Variants in NCAPG2 observed in about 807,000 individuals in gnomAD.
The protein encoded by NCAPG2 is non-SMC condensin II complex subunit G2.
In NCAPG2, 53 loss-of-function variants were observed where a neutral mutation model predicts 141.1. The ratio of observed to expected loss-of-function variants is 0.38; its 90% confidence interval spans 0.30 to 0.47. The LOEUF (loss-of-function observed/expected upper bound fraction) is 0.47, where lower values mean the gene tolerates loss of function less well. NCAPG2 is among the 20% of genes least tolerant of loss of function. The pLI, the probability that NCAPG2 is intolerant of heterozygous loss-of-function variation, is 0.99. For missense variants in NCAPG2, 1,087 were observed against 1,389.0 expected (o/e 0.78, Z 3.46); for synonymous variants, 499 against 490.7 (o/e 1.02, Z -0.22).
At chr7:158,688,392 C>T (rs1346594249) in intron 6 of NCAPG2, among the ~76,000 whole-genome samples, 1 of 152,174 alleles carries the variant, frequency 6.6e-6, no homozygotes, top group Admixed American at 6.5e-5. Flanking sequence ...TATATCTGCA[C>T]ACATATATAA....
chr7:158,658,319 CA>C lies in NCAPG2; in HGVS notation c.2060+18del. The C allele has an allele frequency of 6.3e-7, 1 of 1,596,532 alleles. No individual in the cohort carries two copies. The stretch of plus-strand genomic sequence containing the variant: ...CAGGATTCCTACTTTTCTACCGTAC[CA>C]AAAAACAGAGCAAATACCTGAATGG... On this transcript the variant is annotated intron_variant, in intron 17 of 27. Transcript: ENST00000356309.
At chr7:158,642,486 C>T (rs1366361934) in intron 27 of NCAPG2, among the ~76,000 whole-genome samples, 2 of 151,900 alleles carry the variant, frequency 1.3e-5, no homozygotes, top group East Asian at 3.9e-4. Flanking sequence ...TGTGATCGTG[C>T]CACTACACTC....
intron 27 of NCAPG2, among the ~76,000 whole-genome samples, chr7:158,644,025 T>C (rs4909247): frequency 0.75 from 113,770 of 152,258 alleles, 42,791 homozygotes; most frequent in East Asian, 0.97. Flanking sequence ...ATTTTAAAAC[T>C]AAATAAAATA....
intron 24 of NCAPG2, among the ~76,000 whole-genome samples, chr7:158,649,555 C>T (rs1002912688): frequency 8.5e-5 from 13 of 152,172 alleles, no homozygotes; most frequent in African/African-American, 2.6e-4. Context: ...CATAGCTCAC[C>T]GGAATAAACA....
intron 13 of NCAPG2, chr7:158,668,425 A>C (rs1833437803): frequency 1.0e-6 from 1 of 984,362 alleles, no homozygotes; most frequent in Admixed American, 6.2e-5. Context: ...TGTTTTACTG[A>C]AGAGTTATTC....
chr7:158,652,083 G>A (rs1831532764), intron 23 of NCAPG2, among the ~76,000 whole-genome samples: 1 of 152,076 alleles, frequency 6.6e-6, no homozygotes, highest in African/African-American at 2.4e-5. Flanking sequence ...CCATGCACAG[G>A]GGTCACCATC....
Position 158,685,148 on chromosome 7 carries a change from C to G in NCAPG2, c.837+1024G>C, listed in dbSNP as rs145661990. On this transcript the variant is annotated intron_variant, in intron 8 of 27. Transcript: ENST00000356309. ...TAAGAAAAATATAAGGGAAAACAAA[C>G]ACACTTTTTTGTCCAAAAGGGTATC... Among the ~76,000 whole-genome samples, 24 of 152,264 alleles carry G rather than the reference C, an allele frequency of 1.6e-4. 1 individual carries two copies. Among genetic ancestry groups the G allele is most frequent in the African/African-American group, 5.3e-4 (22 of 41,558 alleles).
intron 8 of NCAPG2, among the ~76,000 whole-genome samples, chr7:158,684,238 G>A (rs1174117720): frequency 6.6e-6 from 1 of 152,222 alleles, no homozygotes; most frequent in Non-Finnish European, 1.5e-5. Flanking sequence ...GAAGTTATTT[G>A]TACCATAAAA....
At chr7:158,644,553 G>A (rs968471640) in intron 26 of NCAPG2, among the ~76,000 whole-genome samples, 165 bp from the exon 27 acceptor site, 5 of 152,126 alleles carry the variant, frequency 3.3e-5, no homozygotes, top group African/African-American at 1.2e-4. Flanking sequence ...CCTTCTTTAG[G>A]GATGTTGTAA....
intron 1 of NCAPG2, among the ~76,000 whole-genome samples, chr7:158,704,407 C>G (rs1191810146): frequency 6.6e-6 from 1 of 151,656 alleles, no homozygotes; most frequent in Non-Finnish European, 1.5e-5. Flanking sequence ...ACTGAGGGGA[C>G]ACTCTCTGAG....
intron 13 of NCAPG2, among the ~76,000 whole-genome samples, chr7:158,666,735 T>C (rs940327891): frequency 6.6e-6 from 1 of 151,598 alleles, no homozygotes; most frequent in Non-Finnish European, 1.5e-5. Flanking sequence ...GACGCCACCC[T>C]GGGCAACACA....
chr7:158,695,093 A>G (rs1441943691), intron 2 of NCAPG2, among the ~76,000 whole-genome samples: 4 of 152,218 alleles, frequency 2.6e-5, no homozygotes, highest in African/African-American at 4.8e-5. Context: ...ATTTTCCAGT[A>G]TATCAATGGA....
chr7:158,697,169 T>TG (rs2129469495), intron 2 of NCAPG2, among the ~76,000 whole-genome samples: 1 of 152,372 alleles, frequency 6.6e-6, no homozygotes, highest in South Asian at 2.1e-4. Flanking sequence ...GACAGCTGCA[T>TG]GTCTGTTATT....
At chr7:158,671,446 T>C in intron 13 of NCAPG2, 68 bp downstream of exon 13, 1 of 1,575,612 alleles carries the variant, frequency 6.3e-7, no homozygotes, top group Non-Finnish European at 8.7e-7. Flanking sequence ...TTAAAACTAC[T>C]TTCTTTCTGT....
At chr7:158,667,278 C>G in intron 13 of NCAPG2, 2 of 951,314 alleles carry the variant, frequency 2.1e-6, no homozygotes, top group Non-Finnish European at 2.5e-6. Flanking sequence ...CTCCGCCTCC[C>G]TCAGAGACCC....
intron 25 of NCAPG2, among the ~76,000 whole-genome samples, chr7:158,646,197 C>A (rs944350436): frequency 6.6e-6 from 1 of 152,170 alleles, no homozygotes; most frequent in Non-Finnish European, 1.5e-5. Flanking sequence ...TCTCCCTTAA[C>A]TGAATTTAAG....
At chr7:158,696,596 C>T (rs1432662725) in intron 2 of NCAPG2, 2 of 152,222 alleles carry the variant, frequency 1.3e-5, no homozygotes, top group Non-Finnish European at 2.9e-5. Flanking sequence ...GAAAATGTGG[C>T]AAGTGGTAAA....
In NCAPG2 at chr7:158,656,266, C is replaced by A. The variant is rs748900120; in HGVS notation, c.2382G>T (p.Thr794=). The A allele has an allele frequency of 3.1e-6, 5 of 1,613,830 alleles. No homozygotes were observed. Among genetic ancestry groups the A allele is most frequent in the Non-Finnish European group, 4.2e-6 (5 of 1,179,854 alleles). ...KLNHLLKALE[T]SKADLESLLQ... ...TCTCAGGGCACAGAGTTACCTTTGA[C>A]GTTTCAAGGGCTTTCAAAAGATGGT... The change falls in exon 19 of 28, where the codon ACG becomes ACT. Residue 794 remains threonine, a synonymous_variant. Coordinates refer to ENST00000356309, the MANE Select transcript of NCAPG2 (RefSeq NM_017760.7).
rs773850389 is a variant in NCAPG2 at position 158,689,886 on chromosome 7, T to C, written c.605A>G (p.Glu202Gly). 1.1e-5 allele frequency: 17 copies of C among 1,605,290 alleles called. No homozygotes were observed. In the Admixed American group the frequency reaches 2.4e-4, roughly 22 times the overall value. ...TAACATATCTTTAATTTCTCCACTT[T>C]CCTCCAAATCATAATCAAAGCAATA... ...ALYCFDYDLE[E>G]SGEIKDMLLE... Residue 202 changes from glutamate to glycine, a missense_variant, in exon 6 of 28, where the codon GAA becomes GGA. By Grantham distance (98) the Glu-to-Gly change is moderately conservative. Transcript: ENST00000356309.
Sources: allele counts gnomAD v4.1 joint callset (sites outside exome capture counted in the v4.1 genomes callset), GRCh38; gene constraint gnomAD v4.1.1; transcripts MANE v1.5; gene names NCBI Gene and HGNC (gene_info 2026-07-23, HGNC 2026-07-21).